SPAG16: variants seen among roughly 807,000 people sequenced by gnomAD.
SPAG16 encodes sperm-associated antigen 16 protein.
In SPAG16, 86 loss-of-function variants were observed where a neutral mutation model predicts 80.4. The ratio of observed to expected loss-of-function variants is 1.07; its 90% CI spans 0.90 to 1.28. The LOEUF is 1.28. SPAG16 is among the 50% of genes most tolerant of loss of function. The pLI is 0.00. For synonymous variants in SPAG16, 294 were observed against 265.9 expected (o/e 1.11, Z -1.03); for missense variants, 870 against 765.3 (o/e 1.14, Z -1.61).
At chr2:213,783,167 G>C (rs1009673092) in intron 10 of SPAG16, among the ~76,000 whole-genome samples, 1 of 150,012 alleles carries the variant, frequency 6.7e-6, no homozygotes. Flanking sequence ...TTGTTCTTGC[G>C]ATAGTTTACT....
intron 10 of SPAG16, among the ~76,000 whole-genome samples, chr2:213,782,214 A>C (rs1408903456): frequency 1.3e-5 from 2 of 152,058 alleles, no homozygotes; most frequent in Non-Finnish European, 2.9e-5. Flanking sequence ...AAAGGAAGGA[A>C]AGAAAGAGGG....
intron 10 of SPAG16, among the ~76,000 whole-genome samples, chr2:213,795,159 A>G (rs1337134286): frequency 1.3e-5 from 2 of 152,188 alleles, no homozygotes; most frequent in East Asian, 3.8e-4. Flanking sequence ...GTTCTGTTCA[A>G]TGTGGTAGTT....
chr2:213,575,471 T>C (rs1280891681), intron 10 of SPAG16, among the ~76,000 whole-genome samples: 1 of 152,144 alleles, frequency 6.6e-6, no homozygotes, highest in Non-Finnish European at 1.5e-5. Context: ...TATCCCCATA[T>C]TAATTAATCA....
chr2:213,442,299 C>A (rs1452686853), intron 9 of SPAG16, among the ~76,000 whole-genome samples: 1 of 152,190 alleles, frequency 6.6e-6, no homozygotes, highest in African/African-American at 2.4e-5. Flanking sequence ...AGATTTATTT[C>A]GTGTTCATAA....
At chr2:214,405,515 G>A (rs769891780) in intron 15 of SPAG16, among the ~76,000 whole-genome samples, 2 of 152,146 alleles carry the variant, frequency 1.3e-5, no homozygotes, top group Admixed American at 1.3e-4. Flanking sequence ...CCAAATCAAG[G>A]CTGGGCACAG....
chr2:214,302,484 A>T (rs944025058), intron 15 of SPAG16, among the ~76,000 whole-genome samples: 3 of 151,864 alleles, frequency 2.0e-5, no homozygotes, highest in Non-Finnish European at 4.4e-5. Context: ...TGAATACTTC[A>T]GTTTTTTTGT....
chr2:213,611,576 A>G (rs2061440058), intron 10 of SPAG16, among the ~76,000 whole-genome samples: 1 of 152,148 alleles, frequency 6.6e-6, no homozygotes, highest in Non-Finnish European at 1.5e-5. Flanking sequence ...CGTGCCTTCT[A>G]TTTTATTTAC....
Position 213,762,727 on chromosome 2 carries a change from TG to T in SPAG16, c.1071-99757del, listed in dbSNP as rs2068729128. Among the ~76,000 whole-genome samples the T allele has an allele frequency of 1.2e-4, 18 of 152,274 alleles. No individual in the cohort carries two copies. In the South Asian group the frequency reaches 3.7e-3, roughly 32 times the overall value. ...AATTTTATAACATTTGTCTTGGCAA[TG>T]ATTGCTTGGATAAGGCACCAAAAGC... On this transcript the variant is annotated intron_variant, in intron 10 of 15. Coordinates refer to ENST00000331683, the MANE Select transcript of SPAG16 (RefSeq NM_024532.5).
intron 15 of SPAG16, among the ~76,000 whole-genome samples, chr2:214,362,532 G>A (rs190754013): frequency 1.2e-3 from 177 of 151,746 alleles, no homozygotes; most frequent in African/African-American, 3.8e-3. Context: ...TTCTTAATGC[G>A]GGGAATCCTG....
At position 213,334,273 on chromosome 2, in the gene SPAG16, A is replaced by G. The variant is rs149855448; in HGVS notation, c.537-5890A>G. On this transcript the variant is annotated intron_variant, in intron 5 of 15. Transcript: ENST00000331683. Reference sequence around the variant, plus strand: ...CTATGATGAGCTGTCATCTCACCCCAGTTAAAATGGCTTTTATCCAAAAGA... The same window carrying G: ...CTATGATGAGCTGTCATCTCACCCCGGTTAAAATGGCTTTTATCCAAAAGA... 6.5e-3 allele frequency among the ~76,000 whole-genome samples: 986 copies of G among 152,300 alleles called. 15 individuals are homozygous for G. The highest frequency in any genetic ancestry group is 0.023 in the African/African-American group (936 of 41,560).
intron 9 of SPAG16, among the ~76,000 whole-genome samples, chr2:213,405,033 C>T (rs894758806): frequency 6.6e-6 from 1 of 152,088 alleles, no homozygotes; most frequent in African/African-American, 2.4e-5. Context: ...GTTGCTAGCT[C>T]CTATACAGTT....
chr2:213,585,909 T>C (rs928225383), intron 10 of SPAG16, among the ~76,000 whole-genome samples: 1 of 152,212 alleles, frequency 6.6e-6, no homozygotes, highest in Non-Finnish European at 1.5e-5. Flanking sequence ...AAGGGACTGC[T>C]TTTGAAACAT....
chr2:214,007,456 A>G (rs546492582), intron 12 of SPAG16, among the ~76,000 whole-genome samples: 1 of 152,276 alleles, frequency 6.6e-6, no homozygotes, highest in South Asian at 2.1e-4. Context: ...GTGTGAAATT[A>G]AAAAGTTTGG....
intron 10 of SPAG16, among the ~76,000 whole-genome samples, chr2:213,611,467 A>G (rs2061437196): frequency 6.6e-6 from 1 of 152,190 alleles, no homozygotes; most frequent in Non-Finnish European, 1.5e-5. Flanking sequence ...AGAAGGTTAA[A>G]TCTTGGTAAG....
rs558943343 is a variant in SPAG16, at chr2:214,070,644, T to C, written c.1528-37552T>C. 1.3e-3 allele frequency among the ~76,000 whole-genome samples: 199 copies of C among 152,212 alleles called. 3 individuals are homozygous for C. The highest frequency in any genetic ancestry group is 4.6e-3 in the African/African-American group (193 of 41,586). On this transcript the variant is annotated intron_variant, in intron 13 of 15. Transcript: ENST00000331683. The stretch of plus-strand genomic sequence containing the variant: ...TGTTTTTTGTCTTTTTAGCATCAAA[T>C]GAGCTGATCATATAGATTCCCTCTT...
intron 10 of SPAG16, among the ~76,000 whole-genome samples, chr2:213,757,379 G>T (rs183116002): frequency 6.6e-5 from 10 of 151,376 alleles, no homozygotes; most frequent in Admixed American, 2.0e-4. Context: ...ATATGCAACC[G>T]CAGAGAACCA....
chr2:214,143,234 G>GTTTTTTT (rs59910884), intron 14 of SPAG16, among the ~76,000 whole-genome samples: 13 of 112,658 alleles, frequency 1.2e-4, no homozygotes, highest in East Asian at 2.7e-4. Context: ...ATAGTTTTGG[G>GTTTTTTT]TTTTTTTTTT....
At chr2:213,549,566 G>C (rs1322893001) in intron 10 of SPAG16, among the ~76,000 whole-genome samples, 1 of 152,016 alleles carries the variant, frequency 6.6e-6, no homozygotes, top group Non-Finnish European at 1.5e-5. Context: ...CTCTATCTTA[G>C]ACAAAATTGC....
intron 3 of SPAG16, among the ~76,000 whole-genome samples, chr2:213,300,060 A>G (rs2062672122): frequency 6.6e-6 from 1 of 151,874 alleles, no homozygotes; most frequent in African/African-American, 2.4e-5. Context: ...TTGGTTATTG[A>G]TAGTTTATTC....
Sources: allele counts gnomAD v4.1 joint callset (sites outside exome capture counted in the v4.1 genomes callset), GRCh38; gene constraint gnomAD v4.1.1; transcripts MANE v1.5; gene names NCBI Gene and HGNC (gene_info 2026-07-23, HGNC 2026-07-21).